Variants in BCAS3 observed in about 807,000 individuals in gnomAD.
BCAS3 encodes the protein BCAS3 microtubule associated cell migration factor.
Under a neutral mutation model 116.1 loss-of-function variants are expected in BCAS3, and 53 were observed. The observed-to-expected ratio is 0.46, with a 90% CI of 0.37 to 0.57. The LOEUF is 0.57. Ranked by LOEUF, BCAS3 falls within the 20% of genes least tolerant of loss-of-function variation. The pLI is 0.00. For missense variants in BCAS3, 917 were observed against 1,165.4 expected (o/e 0.79, Z 3.10); for synonymous variants, 391 against 408.2 (o/e 0.96, Z 0.51).
At position 61,286,176 on chromosome 17, in the gene BCAS3, G is replaced by A. The variant is rs975605184; in HGVS notation, c.2426-82151G>A. Among the ~76,000 whole-genome samples, 1 of 152,142 alleles carries A rather than the reference G, an allele frequency of 6.6e-6. No individual in the cohort carries two copies. Among genetic ancestry groups the A allele is most frequent in the Non-Finnish European group, 1.5e-5 (1 of 68,034 alleles). ...CATCTTCCTCTGGGATTTCTTTGCAGCTTTCAAAGGGTAGATCTTTGCAAC... is the reference window on the plus strand; with the variant it reads ...CATCTTCCTCTGGGATTTCTTTGCAACTTTCAAAGGGTAGATCTTTGCAAC... On this transcript the variant is annotated intron_variant, in intron 22 of 23. Transcript: ENST00000407086. The surrounding 1 kb of genome is among the most constrained non-coding windows in gnomAD (Gnocchi z 4.8).
intron 14 of BCAS3, among the ~76,000 whole-genome samples, chr17:60,965,757 C>T (rs960745993): frequency 6.6e-6 from 1 of 152,080 alleles, no homozygotes; most frequent in Non-Finnish European, 1.5e-5. Flanking sequence ...TGTTTTATGA[C>T]CTAAGATATG....
At chr17:60,704,909 A>C (rs1272355547) in intron 4 of BCAS3, among the ~76,000 whole-genome samples, 2 of 151,918 alleles carry the variant, frequency 1.3e-5, no homozygotes, top group African/African-American at 4.8e-5. Context: ...ATTCAACCCC[A>C]AAAGTATGGA....
intron 22 of BCAS3, among the ~76,000 whole-genome samples, chr17:61,100,262 A>G (rs1444956201): frequency 1.3e-5 from 2 of 152,180 alleles, no homozygotes; most frequent in Non-Finnish European, 2.9e-5. Context: ...CTACCTAAAG[A>G]GGAAATAGCG....
In BCAS3 at chr17:61,028,456, C is replaced by A. The variant is rs1487233333; in HGVS notation, c.1638-6210C>A. ...TCCAGTGATCAGTGAATTTTAAATGCCACATTCAACATATGACAAAATTTC... is the reference window on the plus strand; with the variant it reads ...TCCAGTGATCAGTGAATTTTAAATGACACATTCAACATATGACAAAATTTC... On this transcript the variant is annotated intron_variant, in intron 16 of 23. Transcript: ENST00000407086. The surrounding 1 kb of genome is among the most constrained non-coding windows in gnomAD (Gnocchi z 4.3). Among the ~76,000 whole-genome samples the A allele has an allele frequency of 1.3e-5, 2 of 151,752 alleles. No homozygotes were observed. The highest frequency in any genetic ancestry group is 3.0e-5 in the Non-Finnish European group (2 of 67,772).
rs1187704887 is a variant in BCAS3 at position 60,967,572 on chromosome 17, C to A, written c.1221+20220C>A. Among the ~76,000 whole-genome samples the A allele has an allele frequency of 6.6e-6, 1 of 152,086 alleles. No homozygotes were observed. Among genetic ancestry groups the A allele is most frequent in the Non-Finnish European group, 1.5e-5 (1 of 68,010 alleles). ...CCTTCCTATAACTGGATATTTATATCTTTCTTAAGTTTTAGAAAGTTTTCC... is the reference window on the plus strand; with the variant it reads ...CCTTCCTATAACTGGATATTTATATATTTCTTAAGTTTTAGAAAGTTTTCC... On this transcript the variant is annotated intron_variant, in intron 14 of 23. Coordinates refer to ENST00000407086, the MANE Select transcript of BCAS3 (RefSeq NM_017679.5). The surrounding 1 kb of genome is among the most constrained non-coding windows in gnomAD (Gnocchi z 4.7).
At chr17:61,067,722 CAAACA>C (rs987166695) in intron 19 of BCAS3, among the ~76,000 whole-genome samples, 6 of 80,548 alleles carry the variant, frequency 7.4e-5, no homozygotes, top group African/African-American at 3.0e-4. Flanking sequence ...CTCAAACAAA[CAAACA>C]AAAAAAAAAA....
rs766610231 is a variant in BCAS3 at position 61,017,123 on chromosome 17, C to G, written c.1637+1222C>G. 22 of 151,970 alleles carry G rather than the reference C, an allele frequency of 1.4e-4. No homozygotes were observed. The highest frequency in any genetic ancestry group is 3.1e-4 in the Non-Finnish European group (21 of 67,992). 9.4% of individuals were successfully genotyped at this position (151,970 alleles called of 1,614,324 possible). On this transcript the variant is annotated intron_variant, in intron 16 of 23. Transcript: ENST00000407086. The surrounding 1 kb of genome is among the most constrained non-coding windows in gnomAD (Gnocchi z 4.7). ...TTTTCAGCTTTTTAACTCCTTGGGC[C>G]CAGGAAAAGTATAATTTTAAATTGG...
At chr17:61,137,585 A>G (rs977229979) in intron 22 of BCAS3, among the ~76,000 whole-genome samples, 2 of 151,922 alleles carry the variant, frequency 1.3e-5, no homozygotes, top group African/African-American at 4.8e-5. Context: ...CCTGGCCAAC[A>G]TGATGAAACC....
chr17:60,816,524 C>A (rs748523651), intron 7 of BCAS3, among the ~76,000 whole-genome samples: 1 of 152,086 alleles, frequency 6.6e-6, no homozygotes, highest in Non-Finnish European at 1.5e-5. Context: ...CCGCCCGCCT[C>A]GGCCCCCCAA....
chr17:60,819,190 T>C (rs1179756084), intron 7 of BCAS3, among the ~76,000 whole-genome samples: 1 of 152,214 alleles, frequency 6.6e-6, no homozygotes, highest in African/African-American at 2.4e-5. Flanking sequence ...GTTCACTTAA[T>C]TACTTAAAGC....
chr17:61,284,682 C>T (rs1424382940), intron 22 of BCAS3, among the ~76,000 whole-genome samples: 4 of 150,940 alleles, frequency 2.7e-5, no homozygotes, highest in Non-Finnish European at 4.4e-5. Context: ...TTTTTCCCTC[C>T]TGCTGTTTAG....
intron 22 of BCAS3, among the ~76,000 whole-genome samples, chr17:61,107,809 T>C (rs2074769719): frequency 6.6e-6 from 1 of 152,204 alleles, no homozygotes. Flanking sequence ...CAAGTAAAAC[T>C]GCCTTGAACA....
At chr17:60,851,125 A>G (rs965423311) in intron 7 of BCAS3, among the ~76,000 whole-genome samples, 1 of 152,252 alleles carries the variant, frequency 6.6e-6, no homozygotes, top group Non-Finnish European at 1.5e-5. Context: ...GCTCCGTGAA[A>G]GATTATTTTA....
Position 61,388,358 on chromosome 17 carries a change from TCCTCTCCC to T in BCAS3, c.2594-3614_2594-3607del. 2.3e-6 allele frequency: 1 copy of T among 437,720 alleles called. No homozygotes were observed. Among genetic ancestry groups the T allele is most frequent in the Non-Finnish European group, 4.1e-6 (1 of 241,592 alleles). 27.1% of individuals were successfully genotyped at this position (437,720 alleles called of 1,614,324 possible). On this transcript the variant is annotated intron_variant, in intron 23 of 23. Transcript: ENST00000407086. The surrounding 1 kb of genome is among the most constrained non-coding windows in gnomAD (Gnocchi z 6.5). ...CTGTTCTTCATGTTGAACCTGTGACTCCTCTCCCCCTCCCCCACTCTGAACGGGGTCTT... is the reference window on the plus strand; with the variant it reads ...CTGTTCTTCATGTTGAACCTGTGACTCCTCCCCCACTCTGAACGGGGTCTT...
Position 61,244,870 on chromosome 17 carries a change from AT to A in BCAS3, c.2426-123456del, listed in dbSNP as rs1753821763. Among the ~76,000 whole-genome samples, 1 of 152,214 alleles carries A rather than the reference AT, an allele frequency of 6.6e-6. No individual in the cohort carries two copies. The highest frequency in any genetic ancestry group is 1.5e-5 in the Non-Finnish European group (1 of 68,044). The stretch of plus-strand genomic sequence containing the variant: ...AGAGTGAGACTCCGTCTCAAAAAAA[AT>A]AAATAAATAAAAAAGGATATATAGG... On this transcript the variant is annotated intron_variant, in intron 22 of 23. Transcript: ENST00000407086. This position sits in a 1 kb window ranked among gnomAD's most constrained non-coding sequence, Gnocchi z 4.9.
At chr17:60,754,523 C>T (rs1043896776) in intron 6 of BCAS3, among the ~76,000 whole-genome samples, 2 of 152,106 alleles carry the variant, frequency 1.3e-5, no homozygotes, top group Non-Finnish European at 2.9e-5. Flanking sequence ...AGGTGTAATC[C>T]TCCGTGCCTG....
At chr17:61,159,294 G>A (rs1053174983) in intron 22 of BCAS3, 1 of 152,132 alleles carries the variant, frequency 6.6e-6, no homozygotes, top group African/African-American at 2.4e-5. Flanking sequence ...CCTTGTGTGT[G>A]TGGATATTAC....
At chr17:60,816,253 G>A (rs2049377354) in intron 7 of BCAS3, among the ~76,000 whole-genome samples, 1 of 150,292 alleles carries the variant, frequency 6.7e-6, no homozygotes, top group Non-Finnish European at 1.5e-5. Flanking sequence ...TTCTTTTGAT[G>A]TATAACTTTT....
chr17:61,064,081 A>T (rs1048499741), intron 19 of BCAS3, among the ~76,000 whole-genome samples: 50 of 152,244 alleles, frequency 3.3e-4, no homozygotes, highest in Admixed American at 2.9e-3. Flanking sequence ...TGTCCTTAAA[A>T]TGGTTTGACC....
Sources: allele counts gnomAD v4.1 joint callset (sites outside exome capture counted in the v4.1 genomes callset), GRCh38; gene constraint gnomAD v4.1.1; non-coding constraint Gnocchi (gnomAD v3.1); transcripts MANE v1.5; gene names NCBI Gene and HGNC (gene_info 2026-07-23, HGNC 2026-07-21).